DMD: variants seen among roughly 807,000 people sequenced by gnomAD.
DMD encodes dystrophin, also known as mutant dystrophin.
DMD carries 63 observed loss-of-function variants against 330.1 expected under a neutral mutation model. That is an observed-to-expected ratio of 0.19 (90% CI 0.16 to 0.24). The LOEUF is 0.24. Ranked by LOEUF, DMD falls within the 10% of genes least tolerant of loss-of-function variation. DMD has a pLI of 1.00. For synonymous variants in DMD, 1,223 were observed against 959.8 expected, an observed-to-expected ratio of 1.27 and a Z score of -5.07; for missense variants, 3,344 against 2,684.1, an observed-to-expected ratio of 1.25 and a Z score of -5.43.
In DMD at chrX:32,565,856, T is replaced by C. The variant is rs760732984; in HGVS notation, c.1838A>G (p.Lys613Arg). Residue 613 changes from lysine to arginine, a missense_variant, in exon 16 of 79, where the codon AAA (lysine) becomes AGA (arginine). Lys to Arg is a conservative substitution (Grantham distance 26). Transcript: ENST00000357033. ...LAVLKADLEK[K>R]KQSMGKLYSL... is the part of the protein sequence containing the mutation. ...ATACAGTTTGCCCATGGATTGCTTT[T>C]TCTTTTCTAGATCCGCTTTTAAAAC... 1 of 1,211,528 alleles carries C rather than the reference T, an allele frequency of 8.3e-7. No individual in the cohort carries two copies. The highest frequency in any genetic ancestry group is 1.8e-5 in the South Asian group (1 of 56,993).
At chrX:31,852,470 T>A (rs754460050) in intron 48 of DMD, among the ~76,000 whole-genome samples, 1 of 111,875 alleles carries the variant, frequency 8.9e-6, no homozygotes, top group African/African-American at 3.3e-5. Flanking sequence ...CCTAAGTCCT[T>A]ACTGGTGAAG....
At chrX:32,517,358 T>C (rs1350499958) in intron 18 of DMD, 2 of 112,211 alleles carry the variant, frequency 1.8e-5, no homozygotes, top group East Asian at 2.8e-4. Context: ...ACAATTTCCC[T>C]AAAGATGAAA....
chrX:31,299,252 G>A (rs950493779), intron 62 of DMD, among the ~76,000 whole-genome samples: 12 of 111,708 alleles, frequency 1.1e-4, no homozygotes, highest in African/African-American at 3.9e-4. Context: ...TAATTACTAC[G>A]GATGAGGATT....
intron 60 of DMD, among the ~76,000 whole-genome samples, chrX:31,414,803 T>C (rs951191533): frequency 1.9e-4 from 21 of 111,617 alleles, no homozygotes; most frequent in African/African-American, 6.2e-4. Context: ...AACCAATAGA[T>C]GTGTAAGCAG....
chrX:33,209,169 T>C (rs1281378145), intron 1 of DMD, among the ~76,000 whole-genome samples: 1 of 111,496 alleles, frequency 9.0e-6, no homozygotes, highest in Non-Finnish European at 1.9e-5. Flanking sequence ...CACTTTGTAG[T>C]CTTTTTTTAA....
intron 3 of DMD, among the ~76,000 whole-genome samples, chrX:32,846,067 C>T (rs1167931582): frequency 9.0e-6 from 1 of 111,471 alleles, no homozygotes; most frequent in Non-Finnish European, 1.9e-5. Flanking sequence ...TTCAGTGTGT[C>T]GATATGCATA....
chrX:31,792,440 A>G, intron 50 of DMD, among the ~76,000 whole-genome samples: 1 of 112,517 alleles, frequency 8.9e-6, no homozygotes, highest in Non-Finnish European at 1.9e-5. Context: ...ATTTTCATTT[A>G]ACATATTTTA....
At chrX:32,292,916 T>G (rs2097479640) in intron 42 of DMD, among the ~76,000 whole-genome samples, 1 of 112,452 alleles carries the variant, frequency 8.9e-6, no homozygotes, top group African/African-American at 3.2e-5. Context: ...AACTGTGTTC[T>G]CGTGTCTTAT....
intron 62 of DMD, among the ~76,000 whole-genome samples, chrX:31,264,084 T>TA (rs1401227870): frequency 8.9e-6 from 1 of 112,210 alleles, no homozygotes; most frequent in African/African-American, 3.2e-5. Flanking sequence ...ATAACTCATA[T>TA]CTATCTTGTA....
intron 55 of DMD, among the ~76,000 whole-genome samples, chrX:31,573,256 C>T (rs2075917387): frequency 9.0e-6 from 1 of 111,567 alleles, no homozygotes; most frequent in African/African-American, 3.3e-5. Flanking sequence ...GCAAAATATT[C>T]GGAAACCATT....
intron 43 of DMD, among the ~76,000 whole-genome samples, chrX:32,220,395 GTAAC>G (rs918373287): frequency 5.4e-5 from 6 of 111,206 alleles, no homozygotes; most frequent in African/African-American, 1.6e-4. Flanking sequence ...GTTGAAATAA[GTAAC>G]TATTCAAACA....
At chrX:32,804,216 A>T (rs967043308) in intron 7 of DMD, among the ~76,000 whole-genome samples, 6 of 112,016 alleles carry the variant, frequency 5.4e-5, no homozygotes, top group African/African-American at 1.9e-4. Context: ...CAGCAAGCTG[A>T]GATCCACTGG....
chrX:31,392,579 C>A (rs1244408984), intron 60 of DMD, among the ~76,000 whole-genome samples: 1 of 111,640 alleles, frequency 9.0e-6, no homozygotes, highest in East Asian at 2.8e-4. Flanking sequence ...TTGTGGCTTC[C>A]CATTTATATG....
intron 9 of DMD, among the ~76,000 whole-genome samples, chrX:32,669,526 C>CT (rs1165107900): frequency 9.0e-6 from 1 of 111,701 alleles, no homozygotes; most frequent in African/African-American, 3.3e-5. Flanking sequence ...TTTGATTGTA[C>CT]TTTTTTTCTC....
At chrX:32,743,940 A>G (rs2069642085) in intron 7 of DMD, among the ~76,000 whole-genome samples, 3 of 111,585 alleles carry the variant, frequency 2.7e-5, no homozygotes, top group Admixed American at 1.9e-4. Flanking sequence ...AAAAAAATAT[A>G]TACCTAAAAT....
At position 32,778,322 on chromosome X, in the gene DMD, G is replaced by A. The variant is rs2074377674; in HGVS notation, c.649+31171C>T. On this transcript the variant is annotated intron_variant, in intron 7 of 78. Coordinates refer to ENST00000357033, the MANE Select transcript of DMD (RefSeq NM_004006.3). ...TCCCTTCGTGCCTTTTGTGATTCAA[G>A]TCCCGAACCCTATAGAAATGAGCAC... 2.8e-5 allele frequency among the ~76,000 whole-genome samples: 3 copies of A among 108,713 alleles called. No homozygotes were observed. The Admixed American group carries it at 3.0e-4, about 11-fold the overall frequency. 94.4% of individuals were successfully genotyped at this position (108,713 alleles called of 115,157 possible).
At chrX:31,636,797 C>T (rs751007494) in intron 54 of DMD, among the ~76,000 whole-genome samples, 1 of 111,714 alleles carries the variant, frequency 9.0e-6, no homozygotes, top group East Asian at 2.8e-4. Flanking sequence ...CATCTTCATC[C>T]GTCATCTATG....
intron 2 of DMD, among the ~76,000 whole-genome samples, chrX:32,976,976 T>C (rs1288272053): frequency 2.7e-5 from 3 of 110,948 alleles, no homozygotes; most frequent in Admixed American, 9.7e-5. Flanking sequence ...ATACGGTACA[T>C]AGAAGAAAAA....
At chrX:31,907,708 T>C (rs1201769033) in intron 47 of DMD, among the ~76,000 whole-genome samples, 1 of 111,913 alleles carries the variant, frequency 8.9e-6, no homozygotes, top group Non-Finnish European at 1.9e-5. Flanking sequence ...GAAGCCAAAA[T>C]TGACAAATGG....
Sources: gnomAD v4.1 joint callset for allele counts (sites outside exome capture counted in the v4.1 genomes callset) on GRCh38, gnomAD v4.1.1 for gene constraint, MANE v1.5 for transcripts, NCBI Gene and HGNC (gene_info 2026-07-23, HGNC 2026-07-21) for gene names.